Variants in KIAA1549L observed in about 807,000 individuals in gnomAD.
KIAA1549L encodes the protein KIAA1549 like, also known as UPF0606 protein KIAA1549L.
Under a neutral mutation model 160.7 loss-of-function variants are expected in KIAA1549L, and 88 were observed. The observed-to-expected ratio is 0.55, with a 90% CI of 0.46 to 0.65. The LOEUF is 0.65. KIAA1549L is among the 30% of genes least tolerant of loss of function. KIAA1549L has a pLI of 0.00. For synonymous variants in KIAA1549L, 950 were observed against 976.7 expected (o/e 0.97, Z 0.51); for missense variants, 2,258 against 2,437.5 (o/e 0.93, Z 1.55).
chr11:33,508,061 AG>A (rs1853132979), intron 1 of KIAA1549L, among the ~76,000 whole-genome samples: 1 of 152,214 alleles, frequency 6.6e-6, no homozygotes, highest in South Asian at 2.1e-4. Context: ...TGCTGTAGCC[AG>A]GGTCCCCAGC....
At chr11:33,477,507 G>GCACGCGCACACACACACACACACACACA (rs374982374) in intron 1 of KIAA1549L, among the ~76,000 whole-genome samples, 1 of 131,740 alleles carries the variant, frequency 7.6e-6, no homozygotes, top group Non-Finnish European at 1.5e-5. Flanking sequence ...GCAGGTGCAC[G>GCACGCGCACACACACACACACACACACA]CACACACACA....
rs749756407 is a variant in KIAA1549L, at chr11:33,544,968, G to A, written c.2975G>A (p.Gly992Asp). ...AKNVTNKAAS[G>D]PKRTPGAVHT... ...AATGTCACAAACAAGGCCGCATCTG[G>A]CCCAAAGAGGACACCAGGGGCAGTC... The change falls in exon 3 of 21, where the codon GGC becomes GAC. Residue 992 changes from glycine (G) to aspartate (D), a missense_variant. Around this residue, in one of 6 missense-constraint regions of KIAA1549L, gnomAD observed 1,359 missense variants for 1,546.6 expected, o/e 0.88. Coordinates refer to ENST00000658780, the MANE Select transcript of KIAA1549L (RefSeq NM_012194.3). The A allele has an allele frequency of 6.2e-7, 1 of 1,613,912 alleles. No homozygotes were observed.
chr11:33,621,102 T>A (rs1850947982), intron 16 of KIAA1549L, among the ~76,000 whole-genome samples: 1 of 152,190 alleles, frequency 6.6e-6, no homozygotes, highest in Non-Finnish European at 1.5e-5. Flanking sequence ...ATTGATTTAA[T>A]TTTACGTTTT....
At chr11:33,411,040 A>G (rs1252077313) in intron 1 of KIAA1549L, among the ~76,000 whole-genome samples, 1 of 152,130 alleles carries the variant, frequency 6.6e-6, no homozygotes, top group African/African-American at 2.4e-5. Flanking sequence ...TGGAGCAGGC[A>G]CACACTGGGT....
At chr11:33,597,023 C>G (rs930947944) in intron 12 of KIAA1549L, among the ~76,000 whole-genome samples, 8 of 152,124 alleles carry the variant, frequency 5.3e-5, no homozygotes, top group African/African-American at 1.9e-4. Context: ...AGACTACATT[C>G]TTTGTATTAC....
chr11:33,649,483 G>T (rs1851819207), intron 17 of KIAA1549L, among the ~76,000 whole-genome samples: 1 of 137,400 alleles, frequency 7.3e-6, no homozygotes, highest in African/African-American at 2.7e-5. Context: ...CTGGGTAATA[G>T]AGCAAGACCT....
rs144820177 is a variant in KIAA1549L, at chr11:33,431,032, C to T, written c.238+54143C>T. On this transcript the variant is annotated intron_variant, in intron 1 of 20. Transcript: ENST00000658780. ...CGGAGTTTCTTCCTTCTGGTGAGTT[C>T]GTGGTCTCGCTGGCTCAGGAGTGAA... Among the ~76,000 whole-genome samples, 11 of 152,076 alleles carry T rather than the reference C, an allele frequency of 7.2e-5. 1 individual carries two copies. The highest frequency in any genetic ancestry group is 2.1e-4 in the South Asian group (1 of 4,796).
Position 33,443,321 on chromosome 11 carries a change from A to AT in KIAA1549L, c.238+66444dup, listed in dbSNP as rs879449564. Among the ~76,000 whole-genome samples, 915 of 144,820 alleles carry AT rather than the reference A, an allele frequency of 6.3e-3. 6 individuals are homozygous for AT. Among genetic ancestry groups the AT allele is most frequent in the African/African-American group, 0.018 (734 of 39,694 alleles). On this transcript the variant is annotated intron_variant, in intron 1 of 20. Transcript: ENST00000658780. ...GGCCCATTTGCTCTTCTTTTTAGTG[A>AT]TTTTTTTTTTTTGTTATAAACCTAT...
chr11:33,669,564 C>A lies in KIAA1549L; in HGVS notation c.*1410C>A, dbSNP rs1183153626. On this transcript the variant is annotated 3_prime_UTR_variant, in exon 21 of 21. Coordinates refer to ENST00000658780, the MANE Select transcript of KIAA1549L (RefSeq NM_012194.3). The stretch of plus-strand genomic sequence containing the variant: ...GAATGAGGTCCTGTCCTGCTTTCAC[C>A]CATGACCCATCTAGCTTCAGCTGTA... 1 of 152,264 alleles carries A rather than the reference C, an allele frequency of 6.6e-6. No homozygotes were observed. Among genetic ancestry groups the A allele is most frequent in the African/African-American group, 2.4e-5 (1 of 41,450 alleles). 9.4% of individuals were successfully genotyped at this position (152,264 alleles called of 1,614,324 possible). A position where few individuals can be genotyped will look rare whatever the true frequency, so the allele number is the denominator to read the frequency against.
At chr11:33,569,108 A>T (rs2133235398) in intron 9 of KIAA1549L, among the ~76,000 whole-genome samples, 1 of 152,170 alleles carries the variant, frequency 6.6e-6, no homozygotes, top group East Asian at 1.9e-4. Context: ...TCTCAGATAA[A>T]CTAGAAGCGC....
At chr11:33,629,127 G>A (rs978037983) in intron 16 of KIAA1549L, among the ~76,000 whole-genome samples, 1 of 152,096 alleles carries the variant, frequency 6.6e-6, no homozygotes, top group African/African-American at 2.4e-5. Context: ...ACTCTCTTCT[G>A]GCTTGTAGAG....
intron 1 of KIAA1549L, among the ~76,000 whole-genome samples, chr11:33,507,542 AG>A (rs1396851245): frequency 6.6e-6 from 1 of 152,176 alleles, no homozygotes. Context: ...TCAGCTGAAG[AG>A]TCATTTTAGC....
At chr11:33,552,017 A>G in intron 5 of KIAA1549L, 91 bp from the exon 6 acceptor site, 1 of 1,433,886 alleles carries the variant, frequency 7.0e-7, no homozygotes, top group Non-Finnish European at 9.5e-7. Flanking sequence ...TCTCATCTAA[A>G]ATCGTGCTGT....
chr11:33,628,465 G>A (rs1851181736), intron 16 of KIAA1549L, among the ~76,000 whole-genome samples: 1 of 150,992 alleles, frequency 6.6e-6, no homozygotes. Context: ...GAATCTGGGT[G>A]CTCCTGTATT....
chr11:33,497,149 G>A (rs961765107), intron 1 of KIAA1549L, among the ~76,000 whole-genome samples: 1 of 152,102 alleles, frequency 6.6e-6, no homozygotes, highest in African/African-American at 2.4e-5. Flanking sequence ...CTTCTTCATA[G>A]CACTTACCAC....
intron 1 of KIAA1549L, among the ~76,000 whole-genome samples, chr11:33,412,260 A>T (rs1850799675): frequency 6.6e-6 from 1 of 152,246 alleles, no homozygotes; most frequent in Non-Finnish European, 1.5e-5. Context: ...AGGAAGAAAA[A>T]TCTATATGTT....
At chr11:33,558,109 A>T (rs769995156) in intron 6 of KIAA1549L, among the ~76,000 whole-genome samples, 16 of 152,206 alleles carry the variant, frequency 1.1e-4, no homozygotes, top group Non-Finnish European at 2.2e-4. Context: ...ATTATGTATC[A>T]TTTTTTAAAG....
intron 16 of KIAA1549L, among the ~76,000 whole-genome samples, chr11:33,619,640 A>C (rs1363346209): frequency 6.6e-6 from 1 of 152,178 alleles, no homozygotes; most frequent in African/African-American, 2.4e-5. Context: ...TTGAATTTCT[A>C]ATCACCTTCC....
At chr11:33,420,092 G>GT (rs1850975386) in intron 1 of KIAA1549L, among the ~76,000 whole-genome samples, 2 of 151,970 alleles carry the variant, frequency 1.3e-5, no homozygotes, top group Non-Finnish European at 2.9e-5. Flanking sequence ...TATATCATCT[G>GT]ACACTATTTG....
Sources: allele counts gnomAD v4.1 joint callset (sites outside exome capture counted in the v4.1 genomes callset), GRCh38; gene constraint gnomAD v4.1.1; regional missense constraint gnomAD v4.1.1; transcripts MANE v1.5; gene names NCBI Gene and HGNC (gene_info 2026-07-23, HGNC 2026-07-21).